The following RGS7 variants were observed in gnomAD, a reference collection of about 807,000 sequenced individuals.
The protein encoded by RGS7 is regulator of G protein signaling 7, also known as regulator of G-protein signaling 7.
In RGS7, 27 loss-of-function variants were observed where a neutral mutation model predicts 81.1. That is an observed-to-expected ratio of 0.33 (90% CI 0.25 to 0.46). The LOEUF (loss-of-function observed/expected upper bound fraction) is 0.46, where lower values mean the gene tolerates loss of function less well. Ranked by LOEUF, RGS7 falls within the 20% of genes least tolerant of loss-of-function variation. The pLI is 1.00. For synonymous variants in RGS7, 208 were observed against 207.7 expected (o/e 1.00, Z -0.01); for missense variants, 396 against 607.4 (o/e 0.65, Z 3.66).
At chr1:241,259,436 C>A (rs11583779) in intron 2 of RGS7, among the ~76,000 whole-genome samples, 19,862 of 151,274 alleles carry the variant, frequency 0.13, 1,411 homozygotes, top group Middle Eastern at 0.17. Context: ...GGGTGGATCA[C>A]CTGAGATCGG....
At chr1:240,904,360 A>C (rs1328469365) in intron 6 of RGS7, among the ~76,000 whole-genome samples, 1 of 152,206 alleles carries the variant, frequency 6.6e-6, no homozygotes, top group Non-Finnish European at 1.5e-5. Context: ...GTCTATGTGT[A>C]ATAGCTCATC....
intron 6 of RGS7, among the ~76,000 whole-genome samples, chr1:240,882,338 T>C (rs1365654728): frequency 6.6e-6 from 1 of 152,232 alleles, no homozygotes; most frequent in African/African-American, 2.4e-5. Context: ...TGTGAATTTC[T>C]GTTTCTCCCA....
At chr1:241,274,124 C>T (rs2078066274) in intron 2 of RGS7, among the ~76,000 whole-genome samples, 1 of 152,186 alleles carries the variant, frequency 6.6e-6, no homozygotes, top group Non-Finnish European at 1.5e-5. Flanking sequence ...TGTTACAATG[C>T]TGTAGAGTGT....
intron 9 of RGS7, among the ~76,000 whole-genome samples, chr1:240,830,380 T>C (rs1348725147): frequency 1.3e-5 from 2 of 152,214 alleles, no homozygotes; most frequent in Non-Finnish European, 2.9e-5. Flanking sequence ...TGGTACCTGT[T>C]GCAACATGCA....
Position 240,954,641 on chromosome 1 carries a change from A to G in RGS7, c.227-17935T>C, listed in dbSNP as rs1452559076. ...CATCTACAAAAATACTACAGCTAACATCATTACTAATGGTAGAAACTGGAC... is the reference window on the plus strand; with the variant it reads ...CATCTACAAAAATACTACAGCTAACGTCATTACTAATGGTAGAAACTGGAC... On this transcript the variant is annotated intron_variant, in intron 4 of 18. Transcript: ENST00000440928. 3.3e-5 allele frequency among the ~76,000 whole-genome samples: 5 copies of G among 152,162 alleles called. No individual in the cohort carries two copies. In the East Asian group the frequency reaches 9.6e-4, roughly 29 times the overall value.
chr1:241,268,647 G>T (rs969354483), intron 2 of RGS7, among the ~76,000 whole-genome samples: 1 of 152,136 alleles, frequency 6.6e-6, no homozygotes, highest in African/African-American at 2.4e-5. Flanking sequence ...TGCCACATGT[G>T]AAGATTTTCT....
At chr1:240,826,726 T>C (rs1381202639) in intron 10 of RGS7, among the ~76,000 whole-genome samples, 5 of 152,140 alleles carry the variant, frequency 3.3e-5, no homozygotes, top group African/African-American at 1.2e-4. Context: ...AACCACTGTC[T>C]TATGGTTGTA....
At chr1:241,009,028 T>C (rs573911504) in intron 3 of RGS7, among the ~76,000 whole-genome samples, 18 of 152,220 alleles carry the variant, frequency 1.2e-4, no homozygotes, top group Admixed American at 7.2e-4. Context: ...TGGCCTTTAC[T>C]TTACTTACAT....
chr1:240,887,310 G>A (rs1469477877), intron 6 of RGS7, among the ~76,000 whole-genome samples: 4 of 144,288 alleles, frequency 2.8e-5, no homozygotes, highest in African/African-American at 1.1e-4. Flanking sequence ...CTCACTGCAA[G>A]CTCTGCCTCC....
intron 2 of RGS7, among the ~76,000 whole-genome samples, chr1:241,242,845 T>G (rs1377549188): frequency 1.3e-5 from 2 of 152,182 alleles, no homozygotes; most frequent in Non-Finnish European, 2.9e-5. Context: ...TTTTTCTTCC[T>G]GATTTTTGGA....
At chr1:241,001,947 A>T (rs543329737) in intron 3 of RGS7, among the ~76,000 whole-genome samples, 1 of 152,262 alleles carries the variant, frequency 6.6e-6, no homozygotes, top group East Asian at 1.9e-4. Context: ...CTGTGTGATA[A>T]TGACGCGTCA....
At chr1:240,875,460 T>A (rs1371313678) in intron 6 of RGS7, among the ~76,000 whole-genome samples, 1 of 152,258 alleles carries the variant, frequency 6.6e-6, no homozygotes, top group African/African-American at 2.4e-5. Context: ...TGATTCTGTA[T>A]CTTGGCTATT....
At chr1:241,127,023 T>C (rs565351873) in intron 2 of RGS7, among the ~76,000 whole-genome samples, 61 of 152,290 alleles carry the variant, frequency 4.0e-4, no homozygotes, top group African/African-American at 1.4e-3. Flanking sequence ...ATTTAGAAGA[T>C]AAATTTGGCC....
intron 2 of RGS7, among the ~76,000 whole-genome samples, chr1:241,332,278 T>C (rs1457258456): frequency 6.6e-6 from 1 of 152,092 alleles, no homozygotes; most frequent in African/African-American, 2.4e-5. Context: ...AACAGAAACA[T>C]TAATCCTGGA....
At chr1:241,098,850 T>C (rs754760783) in intron 2 of RGS7, 88 bp from the exon 3 acceptor site, 1 of 903,988 alleles carries the variant, frequency 1.1e-6, no homozygotes, top group African/African-American at 1.6e-5. Context: ...GTATTCCTGT[T>C]TTGCCCAACT....
At chr1:241,162,072 A>AC (rs1158500070) in intron 2 of RGS7, among the ~76,000 whole-genome samples, 6 of 151,842 alleles carry the variant, frequency 4.0e-5, no homozygotes, top group South Asian at 4.2e-4. Context: ...TCAGGAGAGG[A>AC]CCCCCAACCC....
At chr1:241,336,283 G>A (rs949938004) in intron 2 of RGS7, among the ~76,000 whole-genome samples, 1 of 152,150 alleles carries the variant, frequency 6.6e-6, no homozygotes, top group Non-Finnish European at 1.5e-5. Flanking sequence ...TTAGCACTAA[G>A]TCTTCCTGAG....
intron 13 of RGS7, among the ~76,000 whole-genome samples, chr1:240,812,313 A>G (rs1043265710): frequency 1.3e-5 from 2 of 152,162 alleles, no homozygotes; most frequent in Admixed American, 6.5e-5. Context: ...TGAGATAGCC[A>G]CTATTAATCT....
At chr1:240,920,434 A>G in intron 6 of RGS7, 1 of 1,216,130 alleles carries the variant, frequency 8.2e-7, no homozygotes, top group Non-Finnish European at 1.2e-6. Flanking sequence ...AGCTACAATG[A>G]TTTTGGCAAT....
Sources: gnomAD v4.1 joint callset for allele counts (sites outside exome capture counted in the v4.1 genomes callset) on GRCh38, gnomAD v4.1.1 for gene constraint, MANE v1.5 for transcripts, NCBI Gene and HGNC (gene_info 2026-07-23, HGNC 2026-07-21) for gene names.